The following COL11A1 variants were observed in gnomAD, a reference collection of about 807,000 sequenced individuals.
The protein encoded by COL11A1 is collagen alpha-1(XI) chain.
COL11A1 carries 74 observed loss-of-function variants against 265.2 expected under a neutral mutation model. That is an observed-to-expected ratio of 0.28 (90% CI 0.23 to 0.34). COL11A1 has a LOEUF of 0.34. Ranked by LOEUF, COL11A1 falls within the 10% of genes least tolerant of loss-of-function variation. The probability of loss-of-function intolerance (pLI) is 1.00; values close to 1 mark genes in which losing one functional copy is unlikely to be tolerated. For synonymous variants in COL11A1, 816 were observed against 727.6 expected (o/e 1.12, Z -1.96); for missense variants, 2,165 against 2,263.6 (o/e 0.96, Z 0.88).
chr1:102,987,224 C>A (rs1663654967), intron 30 of COL11A1, among the ~76,000 whole-genome samples: 1 of 147,816 alleles, frequency 6.8e-6, no homozygotes, highest in Non-Finnish European at 1.5e-5. Context: ...TAACAGAATT[C>A]CCTATTTAAT....
chr1:102,878,174 T>A lies in COL11A1; in HGVS notation c.5275-9A>T, dbSNP rs200949243. On this transcript the variant is annotated splice_polypyrimidine_tract_variant and intron_variant, in intron 66 of 66. Coordinates refer to ENST00000370096, the MANE Select transcript of COL11A1 (RefSeq NM_001854.4). The stretch of plus-strand genomic sequence containing the variant: ...TCATAGCCTTTTCTGGACTGTAAAA[T>A]AAAGCAGAAATAAAAAGTTATACAA... 6.2e-7 allele frequency: 1 copy of A among 1,605,424 alleles called. No individual in the cohort carries two copies. The highest frequency in any genetic ancestry group is 8.5e-7 in the Non-Finnish European group (1 of 1,174,930).
chr1:102,973,909 T>C (rs1662212013), intron 36 of COL11A1, among the ~76,000 whole-genome samples: 1 of 152,212 alleles, frequency 6.6e-6, no homozygotes, highest in Non-Finnish European at 1.5e-5. Context: ...ATATGACTTG[T>C]GTGCACATTA....
At chr1:102,898,455 T>C (rs932032201) in intron 56 of COL11A1, among the ~76,000 whole-genome samples, 2 of 152,006 alleles carry the variant, frequency 1.3e-5, no homozygotes, top group Non-Finnish European at 2.9e-5. Context: ...ATTTTCTCTT[T>C]ATAAGTTAGT....
At chr1:103,034,229 A>C (rs574528343) in intron 4 of COL11A1, among the ~76,000 whole-genome samples, 2 of 152,056 alleles carry the variant, frequency 1.3e-5, no homozygotes, top group Non-Finnish European at 2.9e-5. Context: ...TTGACCATGT[A>C]GATTAAGGTG....
chr1:103,025,492 T>C lies in COL11A1; in HGVS notation c.990+29A>G, dbSNP rs752397501. 1.6e-5 allele frequency: 23 copies of C among 1,436,928 alleles called. No homozygotes were observed. In the South Asian group the frequency reaches 2.6e-4, roughly 16 times the overall value. 89.0% of individuals were successfully genotyped at this position (1,436,928 alleles called of 1,614,324 possible). Reference sequence around the variant, plus strand: ...AAATTACATATTTAAAAAGTGGGACTGTGATTTAATACTGTCTATACGTAT... The same window carrying C: ...AAATTACATATTTAAAAAGTGGGACCGTGATTTAATACTGTCTATACGTAT... On this transcript the variant is annotated intron_variant, in intron 7 of 66. Coordinates refer to ENST00000370096, the MANE Select transcript of COL11A1 (RefSeq NM_001854.4).
At position 102,923,394 on chromosome 1, in the gene COL11A1, G is replaced by C. The variant is rs201968369; in HGVS notation, c.3601-5C>G. 65 of 1,587,278 alleles carry C rather than the reference G, an allele frequency of 4.1e-5. No individual in the cohort carries two copies. The African/African-American group carries it at 8.2e-4, about 20-fold the overall frequency. On this transcript the variant is annotated splice_region_variant and splice_polypyrimidine_tract_variant and intron_variant, in intron 46 of 66. Coordinates refer to ENST00000370096, the MANE Select transcript of COL11A1 (RefSeq NM_001854.4). Reference sequence around the variant, plus strand: ...ACCAGGTGGGCCTGGCAGACCCTAAGAAAATATAATAGAAAAATAATAAAA... The same window carrying C: ...ACCAGGTGGGCCTGGCAGACCCTAACAAAATATAATAGAAAAATAATAAAA...
At chr1:102,914,854 G>T in intron 50 of COL11A1, 43 bp from the exon 51 acceptor site, 1 of 1,469,774 alleles carries the variant, frequency 6.8e-7, no homozygotes, top group Non-Finnish European at 9.4e-7. Flanking sequence ...AAGGAAAGAA[G>T]AGTTATCTTA....
At chr1:102,945,849 A>G (rs1249934681) in intron 42 of COL11A1, among the ~76,000 whole-genome samples, 1 of 152,230 alleles carries the variant, frequency 6.6e-6, no homozygotes, top group Non-Finnish European at 1.5e-5. Flanking sequence ...AGGACTATAA[A>G]TCATGCTGCC....
chr1:102,968,167 A>AG (rs1219601798), intron 37 of COL11A1, among the ~76,000 whole-genome samples: 1 of 152,248 alleles, frequency 6.6e-6, no homozygotes, highest in East Asian at 1.9e-4. Flanking sequence ...TAATAAGACT[A>AG]CACTTGCCAC....
intron 63 of COL11A1, 142 bp downstream of exon 63, chr1:102,886,665 T>C: frequency 1.6e-6 from 2 of 1,214,812 alleles, no homozygotes; most frequent in Non-Finnish European, 2.4e-6. Context: ...TAAATGATTT[T>C]TTCTGTCTAG....
At position 102,877,976 on chromosome 1, in the gene COL11A1, A is replaced by C; in HGVS notation, c.*43T>G. Reference sequence around the variant, plus strand: ...TGGCACAAAATGGGTTGGTGGCACCAAGGTATATTTTCTGTTGATTTGATA... The same window carrying C: ...TGGCACAAAATGGGTTGGTGGCACCCAGGTATATTTTCTGTTGATTTGATA... On this transcript the variant is annotated 3_prime_UTR_variant, in exon 67 of 67. Transcript: ENST00000370096. 1 of 1,608,604 alleles carries C rather than the reference A, an allele frequency of 6.2e-7. No homozygotes were observed. Among genetic ancestry groups the C allele is most frequent in the Non-Finnish European group, 8.5e-7 (1 of 1,175,682 alleles).
intron 44 of COL11A1, among the ~76,000 whole-genome samples, chr1:102,938,388 A>C (rs1975918): frequency 7.0e-6 from 1 of 142,728 alleles, no homozygotes; most frequent in Non-Finnish European, 1.5e-5. Context: ...AGGGAAAAAA[A>C]AATTAAAAAA....
intron 18 of COL11A1, among the ~76,000 whole-genome samples, chr1:103,005,519 T>C (rs564196791): frequency 6.6e-6 from 1 of 152,294 alleles, no homozygotes; most frequent in African/African-American, 2.4e-5. Flanking sequence ...GAAGGAATTA[T>C]TAAAAAATTA....
rs753204753 is a variant in COL11A1, at chr1:103,003,260, T to A, written c.1953A>T (p.Arg651=). The change falls in exon 21 of 67, where the codon CGA becomes CGT. Residue 651 remains arginine, a synonymous_variant. Transcript: ENST00000370096. ...PRGLPGEAGP[R]GLLGPRGTPG... is the part of the protein sequence containing the mutation. ...GAGTTCCCCTTGGACCCAGCAAACCTCGTGGGCCCTAGGAGAAAAAGAAAA... is the reference window on the plus strand; with the variant it reads ...GAGTTCCCCTTGGACCCAGCAAACCACGTGGGCCCTAGGAGAAAAAGAAAA... 6.2e-7 allele frequency: 1 copy of A among 1,612,452 alleles called. No homozygotes were observed.
At chr1:102,911,958 T>C (rs1654733903) in intron 54 of COL11A1, among the ~76,000 whole-genome samples, 2 of 152,220 alleles carry the variant, frequency 1.3e-5, no homozygotes, top group Non-Finnish European at 2.9e-5. Flanking sequence ...AAGTTGTTTT[T>C]CTCATTTTTA....
chr1:102,896,302 G>A (rs1050196527), intron 57 of COL11A1, among the ~76,000 whole-genome samples: 1 of 151,514 alleles, frequency 6.6e-6, no homozygotes, highest in East Asian at 1.9e-4. Context: ...CTCTAGAGTC[G>A]ATAACCTTAA....
intron 57 of COL11A1, among the ~76,000 whole-genome samples, chr1:102,892,841 A>G (rs941116923): frequency 1.3e-5 from 2 of 152,204 alleles, no homozygotes; most frequent in African/African-American, 2.4e-5. Flanking sequence ...AGTTATTTTC[A>G]TACAAGCACA....
intron 59 of COL11A1, among the ~76,000 whole-genome samples, chr1:102,889,242 C>G (rs150048187): frequency 1.3e-5 from 2 of 152,150 alleles, no homozygotes; most frequent in East Asian, 3.9e-4. Context: ...TAATACTCAA[C>G]TGTAATTTTT....
chr1:103,082,745 G>C, intron 2 of COL11A1, 60 bp downstream of exon 2: 1 of 1,410,948 alleles, frequency 7.1e-7, no homozygotes, highest in Non-Finnish European at 9.9e-7. Context: ...AGTTTTAGTA[G>C]TAACAAAAGT....
Sources: allele counts gnomAD v4.1 joint callset (sites outside exome capture counted in the v4.1 genomes callset), GRCh38; gene constraint gnomAD v4.1.1; transcripts MANE v1.5; gene names NCBI Gene and HGNC (gene_info 2026-07-23, HGNC 2026-07-21).